Variants in RANGAP1 observed in about 807,000 individuals in gnomAD.
RANGAP1 encodes ran GTPase-activating protein 1.
RANGAP1 carries 38 observed loss-of-function variants against 63.5 expected under a neutral mutation model. That is an observed-to-expected ratio of 0.60 (90% confidence interval 0.46 to 0.78). The LOEUF is 0.78. RANGAP1 is among the 30% of genes least tolerant of loss of function. The probability of loss-of-function intolerance (pLI) is 0.00; values close to 1 mark genes in which losing one functional copy is unlikely to be tolerated. For missense variants in RANGAP1, 630 were observed against 740.3 expected (o/e 0.85, Z 1.73); for synonymous variants, 329 against 310.5 (o/e 1.06, Z -0.63).
chr22:41,285,239 ATT>A (rs974698269), intron 1 of RANGAP1: 2 of 152,596 alleles, frequency 1.3e-5, no homozygotes, highest in Admixed American at 6.6e-5. Context: ...AGATGGGACA[ATT>A]TGAGGGTAAA....
chr22:41,297,527 T>C, the RANGAP1 span, among the ~76,000 whole-genome samples: 2 of 151,464 alleles, frequency 1.3e-5, no homozygotes, highest in South Asian at 2.1e-4. Flanking sequence ...TTTTTTTTTT[T>C]CAAGACAACC....
the RANGAP1 span, among the ~76,000 whole-genome samples, chr22:41,295,775 T>G: frequency 6.7e-6 from 1 of 149,224 alleles, no homozygotes; most frequent in East Asian, 1.9e-4. Flanking sequence ...AGGAAACTCT[T>G]GGATGATGTA....
At position 41,257,430 on chromosome 22, in the gene RANGAP1, A is replaced by G. The variant is rs1009364871; in HGVS notation, c.774+518T>C. The stretch of plus-strand genomic sequence containing the variant: ...CCCATGTGGCCTGCACTTGGTACAA[A>G]GCCAAGCACTAAATGGGGACTCAAA... On this transcript the variant is annotated intron_variant, in intron 7 of 15. Coordinates refer to ENST00000356244, the MANE Select transcript of RANGAP1 (RefSeq NM_002883.4). This position sits in a 1 kb window ranked among gnomAD's most constrained non-coding sequence, Gnocchi z 4.0. 6.6e-6 allele frequency among the ~76,000 whole-genome samples: 1 copy of G among 152,128 alleles called. No individual in the cohort carries two copies. The highest frequency in any genetic ancestry group is 1.5e-5 in the Non-Finnish European group (1 of 68,030).
chr22:41,282,539 G>A (rs1201076555), intron 1 of RANGAP1: 1 of 152,178 alleles, frequency 6.6e-6, no homozygotes, highest in Non-Finnish European at 1.5e-5. Flanking sequence ...AGCCAGGATG[G>A]TCTCGATCTC....
intron 2 of RANGAP1, among the ~76,000 whole-genome samples, chr22:41,279,380 G>A (rs991327943): frequency 6.6e-6 from 1 of 151,772 alleles, no homozygotes; most frequent in Admixed American, 6.6e-5. Flanking sequence ...TGAGGCAGGA[G>A]AATGGCGTGA....
chr22:41,275,023 C>T (rs2035055259), intron 2 of RANGAP1, among the ~76,000 whole-genome samples: 2 of 151,990 alleles, frequency 1.3e-5, no homozygotes, highest in Non-Finnish European at 2.9e-5. Flanking sequence ...TGTGTGGAGC[C>T]TCCAAAGATG....
At chr22:41,280,691 C>T (rs779570821) in intron 2 of RANGAP1, 1 of 1,453,026 alleles carries the variant, frequency 6.9e-7, no homozygotes, top group South Asian at 1.2e-5. Flanking sequence ...TCATCCCCTC[C>T]TGAGAAAGAA....
chr22:41,293,717 TGCAGTAA>T, the RANGAP1 span, among the ~76,000 whole-genome samples: 1 of 142,210 alleles, frequency 7.0e-6, no homozygotes, highest in African/African-American at 2.7e-5. Flanking sequence ...AGGCAGAGCT[TGCAGTAA>T]GCCGAGATCG....
At chr22:41,253,297 C>T (rs1272134387) in intron 11 of RANGAP1, among the ~76,000 whole-genome samples, 1 of 152,146 alleles carries the variant, frequency 6.6e-6, no homozygotes, top group East Asian at 1.9e-4. Context: ...GAAATGACTA[C>T]GGAGGCACAT....
At position 41,252,905 on chromosome 22, in the gene RANGAP1, T is replaced by G. The variant is rs762087068; in HGVS notation, c.1347A>C (p.Leu449=). 2 of 1,573,386 alleles carry G rather than the reference T, an allele frequency of 1.3e-6. No individual in the cohort carries two copies. The highest frequency in any genetic ancestry group is 1.7e-6 in the Non-Finnish European group (2 of 1,161,542). ...AFPSPEKLLR[L]GPKSSVLIAQ... ...CTATCAGCACGGAGCTCTTGGGCCC[T>G]AGGCGCAGCAGCTTCTCTGGAGAGG... Residue 449 remains leucine, a synonymous_variant, in exon 12 of 16, where the codon CTA becomes CTC. Transcript: ENST00000356244.
the RANGAP1 span, among the ~76,000 whole-genome samples, chr22:41,293,518 G>A: frequency 6.6e-6 from 1 of 151,888 alleles, no homozygotes; most frequent in Non-Finnish European, 1.5e-5. Flanking sequence ...AGTGCCTCAC[G>A]CCTGTAATCC....
chr22:41,258,888 C>A (rs1207305833), intron 6 of RANGAP1, among the ~76,000 whole-genome samples: 1 of 152,214 alleles, frequency 6.6e-6, no homozygotes, highest in African/African-American at 2.4e-5. Flanking sequence ...CTCCTGACCT[C>A]AGGCGATCCA....
Position 41,251,082 on chromosome 22 carries a change from C to T in RANGAP1, c.1408G>A (p.Val470Ile). 6.2e-7 allele frequency: 1 copy of T among 1,614,100 alleles called. No homozygotes were observed. Among genetic ancestry groups the T allele is most frequent in the Non-Finnish European group, 8.5e-7 (1 of 1,180,014 alleles). Residue 470 changes from valine (V) to isoleucine (I), a missense_variant, in exon 13 of 16, where the codon GTC (valine) becomes ATC (isoleucine). Val to Ile is a conservative substitution (Grantham distance 29, BLOSUM62 3). This residue lies in a region of RANGAP1 where 428 missense variants were observed against 465.5 expected (regional missense o/e 0.92). Coordinates refer to ENST00000356244, the MANE Select transcript of RANGAP1 (RefSeq NM_002883.4). ...GATGACACCTTTAGGAAGGCAGAGA[C>T]CACCTTCTCGGGGTCAGACGTGTCA... ...QTDTSDPEKVVSAFLKVSSVF... is the reference protein window; with the variant it reads ...QTDTSDPEKVISAFLKVSSVF...
chr22:41,296,779 G>C, the RANGAP1 span, among the ~76,000 whole-genome samples: 6 of 151,994 alleles, frequency 3.9e-5, no homozygotes, highest in Non-Finnish European at 4.4e-5. Context: ...ATGAGAGAGA[G>C]ACACACACAC....
chr22:41,264,592 G>T (rs1012571703), intron 5 of RANGAP1, 72 bp downstream of exon 5: 11 of 1,510,756 alleles, frequency 7.3e-6, no homozygotes, highest in Non-Finnish European at 9.8e-6. Context: ...GGTGGCCAAG[G>T]GCCAGGGCAC....
intron 12 of RANGAP1, among the ~76,000 whole-genome samples, chr22:41,251,550 C>T (rs2033448032): frequency 6.6e-6 from 1 of 151,320 alleles, no homozygotes; most frequent in African/African-American, 2.4e-5. Flanking sequence ...TGCTTGAGCC[C>T]AGGAGGTCGA....
chr22:41,276,356 G>T (rs2035143509), intron 2 of RANGAP1, among the ~76,000 whole-genome samples: 1 of 152,078 alleles, frequency 6.6e-6, no homozygotes, highest in Non-Finnish European at 1.5e-5. Flanking sequence ...AAACAAAATG[G>T]GCTGGGAGTA....
intron 10 of RANGAP1, among the ~76,000 whole-genome samples, chr22:41,255,705 G>A (rs565849406): frequency 6.6e-6 from 1 of 152,124 alleles, no homozygotes; most frequent in South Asian, 2.1e-4. Flanking sequence ...CAGAAGCCCT[G>A]ACTGTCCCAT....
intron 10 of RANGAP1, among the ~76,000 whole-genome samples, chr22:41,254,975 CAAAAAAACAAAAA>C (rs1188255902): frequency 6.1e-5 from 7 of 114,140 alleles, no homozygotes; most frequent in Non-Finnish European, 1.1e-4. Flanking sequence ...CCATCCCCCA[CAAAAAAACAAAAA>C]AAAAAAACAA....
Sources: gnomAD v4.1 joint callset for allele counts (sites outside exome capture counted in the v4.1 genomes callset) on GRCh38, gnomAD v4.1.1 for gene constraint, gnomAD v4.1.1 regional missense constraint, Gnocchi (gnomAD v3.1) non-coding constraint, MANE v1.5 for transcripts, NCBI Gene and HGNC (gene_info 2026-07-23, HGNC 2026-07-21) for gene names.